The following HCRTR2 variants were observed in gnomAD, a reference collection of about 807,000 sequenced individuals.
HCRTR2 encodes the protein orexin receptor type 2.
HCRTR2 carries 22 observed loss-of-function variants against 49.0 expected under a neutral mutation model. The observed-to-expected ratio is 0.45, with a 90% CI of 0.32 to 0.64. The LOEUF (loss-of-function observed/expected upper bound fraction) is 0.64. Ranked by LOEUF, HCRTR2 falls within the 30% of genes least tolerant of loss-of-function variation. HCRTR2 has a pLI of 0.04. For synonymous variants in HCRTR2, 236 were observed against 205.3 expected (o/e 1.15, Z -1.28); for missense variants, 491 against 559.4 (o/e 0.88, Z 1.23).
chr6:55,233,224 GA>G (rs1165080657), intron 1 of HCRTR2, among the ~76,000 whole-genome samples: 2 of 151,948 alleles, frequency 1.3e-5, no homozygotes, highest in African/African-American at 4.8e-5. Context: ...GAGTAGCTGG[GA>G]TTACAGGCGC....
chr6:55,232,086 T>C (rs1766125765), intron 1 of HCRTR2, among the ~76,000 whole-genome samples: 1 of 152,116 alleles, frequency 6.6e-6, no homozygotes. Flanking sequence ...AGAACTCTAT[T>C]CTGACAAACA....
At chr6:55,159,173 C>T (rs1437941094) in intron 1 of HCRTR2, among the ~76,000 whole-genome samples, 1 of 152,046 alleles carries the variant, frequency 6.6e-6, no homozygotes, top group Non-Finnish European at 1.5e-5. Context: ...TAGGGTCTGA[C>T]GTTGACCTCC....
chr6:55,146,125 T>G (rs1477452796), intron 1 of HCRTR2, among the ~76,000 whole-genome samples: 1 of 152,328 alleles, frequency 6.6e-6, no homozygotes, highest in Non-Finnish European at 1.5e-5. Context: ...GTAAAATTGC[T>G]TGGTACACAG....
At chr6:55,237,520 C>A (rs555374206) in intron 1 of HCRTR2, among the ~76,000 whole-genome samples, 1 of 152,110 alleles carries the variant, frequency 6.6e-6, no homozygotes, top group Non-Finnish European at 1.5e-5. Context: ...ACTAAATTTC[C>A]GGCTCAGCAT....
intron 4 of HCRTR2, 46 bp from the exon 5 acceptor site, chr6:55,277,334 T>C (rs1767095117): frequency 1.3e-6 from 2 of 1,514,126 alleles, no homozygotes; most frequent in Admixed American, 1.7e-5. Context: ...AAAGTGGAAC[T>C]TTCCTAAGTC....
At chr6:55,119,896 G>T (rs1223369719) in intron 1 of HCRTR2, among the ~76,000 whole-genome samples, 1 of 151,904 alleles carries the variant, frequency 6.6e-6, no homozygotes, top group African/African-American at 2.4e-5. Flanking sequence ...GGATTTTTAT[G>T]GTTTTAGGTC....
chr6:55,243,528 A>G (rs1477509507), intron 1 of HCRTR2, among the ~76,000 whole-genome samples: 1 of 152,216 alleles, frequency 6.6e-6, no homozygotes, highest in Non-Finnish European at 1.5e-5. Context: ...AGAAATGAAG[A>G]AAGTAAATTC....
chr6:55,146,184 GAAC>G (rs1356822519), intron 1 of HCRTR2, among the ~76,000 whole-genome samples: 1 of 151,936 alleles, frequency 6.6e-6, no homozygotes, highest in Non-Finnish European at 1.5e-5. Context: ...GAATAGTGGA[GAAC>G]AATTATAAGA....
At chr6:55,109,476 G>T (rs988459028) in intron 1 of HCRTR2, among the ~76,000 whole-genome samples, 6 of 151,848 alleles carry the variant, frequency 4.0e-5, no homozygotes, top group African/African-American at 1.5e-4. Flanking sequence ...AAAAAAAAAA[G>T]TTATAGGATA....
Position 55,255,176 on chromosome 6 carries a change from T to C in HCRTR2, c.443T>C (p.Ile148Thr). 1 of 1,614,010 alleles carries C rather than the reference T, an allele frequency of 6.2e-7. No individual in the cohort carries two copies. Among genetic ancestry groups the C allele is most frequent in the Non-Finnish European group, 8.5e-7 (1 of 1,179,922 alleles). ...VSVSVLTLSC[I>T]ALDRWYAICH... ...GTGTCTGTCCTCACACTGAGCTGTA[T>C]CGCCTTGGATCGGTGGTATGCAATC... Residue 148 changes from isoleucine to threonine, a missense_variant, in exon 3 of 7, where the codon ATC becomes ACC. Ile to Thr is a moderately conservative substitution (Grantham distance 89). Coordinates refer to ENST00000370862, the MANE Select transcript of HCRTR2 (RefSeq NM_001384272.1).
At position 55,253,077 on chromosome 6, in the gene HCRTR2, C is replaced by T. The variant is rs186790940; in HGVS notation, c.403-2059C>T. ...ATCACTCCATATGTCAGATGGGATT[C>T]ATGCCCAGAAAACCTGGTTGCAGAC... is the stretch of plus-strand genomic sequence containing the variant. On this transcript the variant is annotated intron_variant, in intron 2 of 6. Coordinates refer to ENST00000370862, the MANE Select transcript of HCRTR2 (RefSeq NM_001384272.1). Among the ~76,000 whole-genome samples the T allele has an allele frequency of 3.8e-3, 576 of 152,074 alleles. 2 individuals carry two copies. Among genetic ancestry groups the T allele is most frequent in the Non-Finnish European group, 6.5e-3 (444 of 67,984 alleles).
intron 1 of HCRTR2, among the ~76,000 whole-genome samples, chr6:55,197,926 T>C (rs1765447176): frequency 6.6e-6 from 1 of 152,104 alleles, no homozygotes; most frequent in South Asian, 2.1e-4. Flanking sequence ...CAGCCGACCC[T>C]TTCTCTTAAC....
chr6:55,115,792 A>G (rs1246997872), intron 1 of HCRTR2, among the ~76,000 whole-genome samples: 1 of 151,602 alleles, frequency 6.6e-6, no homozygotes, highest in African/African-American at 2.4e-5. Context: ...GAGAAGATGA[A>G]ACATAAATAA....
At chr6:55,263,665 C>T (rs1257196972) in intron 3 of HCRTR2, 42 bp from the exon 4 acceptor site, 2 of 1,014,306 alleles carry the variant, frequency 2.0e-6, no homozygotes, top group Admixed American at 1.7e-5. Context: ...AAAAGTCCAT[C>T]AATTGTAACG....
chr6:55,149,894 A>G (rs904506949), intron 1 of HCRTR2, among the ~76,000 whole-genome samples: 1 of 152,058 alleles, frequency 6.6e-6, no homozygotes, highest in Admixed American at 6.6e-5. Flanking sequence ...AAGCTAAATC[A>G]CTTTAATGTT....
chr6:55,240,084 A>G (rs1327176276), intron 1 of HCRTR2, among the ~76,000 whole-genome samples: 2 of 151,852 alleles, frequency 1.3e-5, no homozygotes, highest in East Asian at 3.9e-4. Context: ...GCCAGTAAAT[A>G]GTTTTGAAGT....
chr6:55,217,110 C>A (rs1765801299), intron 1 of HCRTR2, among the ~76,000 whole-genome samples: 1 of 152,116 alleles, frequency 6.6e-6, no homozygotes, highest in African/African-American at 2.4e-5. Context: ...CAGAGGAGTC[C>A]TGAGCAGCCC....
chr6:55,161,095 T>G (rs1764799478), intron 1 of HCRTR2, among the ~76,000 whole-genome samples: 1 of 152,136 alleles, frequency 6.6e-6, no homozygotes, highest in Non-Finnish European at 1.5e-5. Flanking sequence ...AAAAGACTCC[T>G]CAGCAAATGC....
intron 1 of HCRTR2, among the ~76,000 whole-genome samples, chr6:55,178,265 C>T (rs958454375): frequency 6.6e-6 from 1 of 151,862 alleles, no homozygotes; most frequent in African/African-American, 2.4e-5. Flanking sequence ...TATCTGCATT[C>T]AAAGATATCA....
Sources: gnomAD v4.1 joint callset for allele counts (sites outside exome capture counted in the v4.1 genomes callset) on GRCh38, gnomAD v4.1.1 for gene constraint, MANE v1.5 for transcripts, NCBI Gene and HGNC (gene_info 2026-07-23, HGNC 2026-07-21) for gene names.